Variants in PCDHA13 observed in about 807,000 individuals in gnomAD.
PCDHA13 encodes protocadherin alpha 13.
Under a neutral mutation model 64.8 loss-of-function variants are expected in PCDHA13, and 54 were observed. That is an observed-to-expected ratio of 0.83 (90% CI 0.67 to 1.04). The LOEUF is 1.04. Ranked by LOEUF, PCDHA13 falls within the 50% of genes least tolerant of loss-of-function variation. PCDHA13 has a pLI of 0.00. For synonymous variants in PCDHA13, 587 were observed against 564.4 expected (o/e 1.04, Z -0.57); for missense variants, 1,248 against 1,254.3 (o/e 0.99, Z 0.08).
intron 1 of PCDHA13, among the ~76,000 whole-genome samples, chr5:140,887,955 C>A (rs568878730): frequency 4.4e-4 from 67 of 152,206 alleles, no homozygotes; most frequent in African/African-American, 1.6e-3. Flanking sequence ...GTATAAGATT[C>A]TTTTTGTCTC....
In PCDHA13 at chr5:141,010,190, C is replaced by T. The variant is rs868983471; in HGVS notation, c.*253C>T. On this transcript the variant is annotated 3_prime_UTR_variant, in exon 4 of 4. Coordinates refer to ENST00000289272, the MANE Select transcript of PCDHA13 (RefSeq NM_018904.3). ...GAACCTAAAAAGCAGACCCAAGTTT[C>T]CTTTCTCCTCCGCCGCAAAGGAGAG... The T allele has an allele frequency of 6.4e-7, 1 of 1,552,504 alleles. No homozygotes were observed. Among genetic ancestry groups the T allele is most frequent in the Non-Finnish European group, 8.7e-7 (1 of 1,147,234 alleles).
intron 3 of PCDHA13, among the ~76,000 whole-genome samples, chr5:140,989,348 G>A (rs1455202093): frequency 6.6e-6 from 1 of 152,196 alleles, no homozygotes; most frequent in African/African-American, 2.4e-5. Context: ...GCTCAAAGGT[G>A]ATAGGTCACC....
chr5:140,980,487 G>C (rs2096891705), intron 2 of PCDHA13, among the ~76,000 whole-genome samples: 1 of 152,124 alleles, frequency 6.6e-6, no homozygotes, highest in African/African-American at 2.4e-5. Flanking sequence ...AAAATTAGCT[G>C]GGCGTGATGG....
intron 1 of PCDHA13, among the ~76,000 whole-genome samples, chr5:140,921,791 A>G (rs1170709759): frequency 3.9e-5 from 6 of 152,160 alleles, no homozygotes; most frequent in Non-Finnish European, 5.9e-5. Context: ...GATGTTCTAG[A>G]TAACACAAGA....
At chr5:140,910,719 C>T (rs527945930) in intron 1 of PCDHA13, among the ~76,000 whole-genome samples, 44 of 152,216 alleles carry the variant, frequency 2.9e-4, no homozygotes, top group African/African-American at 1.0e-3. Context: ...TCTTTTAATC[C>T]ATATTTCAGC....
chr5:140,905,771 G>A lies in PCDHA13; in HGVS notation c.2394+21109G>A, dbSNP rs112500166. ...TCACCTCCTTGGTTAAGTATATTCC[G>A]AAGTGTATTAGTCAGGGTTCTCTAG... is the stretch of plus-strand genomic sequence containing the variant. On this transcript the variant is annotated intron_variant, in intron 1 of 3. Coordinates refer to ENST00000289272, the MANE Select transcript of PCDHA13 (RefSeq NM_018904.3). Among the ~76,000 whole-genome samples the A allele has an allele frequency of 4.4e-3, 670 of 152,104 alleles. 7 individuals are homozygous for A. Among genetic ancestry groups the A allele is most frequent in the African/African-American group, 0.015 (623 of 41,484 alleles).
chr5:140,896,406 C>CT (rs35238776), intron 1 of PCDHA13, among the ~76,000 whole-genome samples: 1 of 152,100 alleles, frequency 6.6e-6, no homozygotes, highest in Non-Finnish European at 1.5e-5. Flanking sequence ...TTATTTTTGA[C>CT]TTTTTAGTAA....
At chr5:140,998,300 G>C (rs1287043977) in intron 3 of PCDHA13, among the ~76,000 whole-genome samples, 1 of 152,194 alleles carries the variant, frequency 6.6e-6, no homozygotes, top group Non-Finnish European at 1.5e-5. Context: ...CACACATTTA[G>C]TAAGGGCACC....
chr5:141,000,421 ATTTTTT>A (rs34755515), intron 3 of PCDHA13, among the ~76,000 whole-genome samples: 34 of 27,962 alleles, frequency 1.2e-3, no homozygotes, highest in East Asian at 9.9e-3. Context: ...ATATATATAT[ATTTTTT>A]TTTTTTTTTT....
rs1563652468 is a variant in PCDHA13 at position 141,000,419 on chromosome 5, A to AT, written c.2543-9207dup. The stretch of plus-strand genomic sequence containing the variant: ...TCTATATATATATATATATATATAT[A>AT]TATTTTTTTTTTTTTTTTTTTTTTT... On this transcript the variant is annotated intron_variant, in intron 3 of 3. Transcript: ENST00000289272. 4.4e-3 allele frequency among the ~76,000 whole-genome samples: 271 copies of AT among 60,978 alleles called. 1 individual carries two copies. The highest frequency in any genetic ancestry group is 5.9e-3 in the Non-Finnish European group (210 of 35,644). The allele number at this position is 60,978 out of a possible 152,430, so 40.0% of individuals were successfully genotyped here.
At chr5:140,898,054 A>G (rs1401215235) in intron 1 of PCDHA13, among the ~76,000 whole-genome samples, 2 of 151,638 alleles carry the variant, frequency 1.3e-5, no homozygotes, top group African/African-American at 4.8e-5. Flanking sequence ...TTTTCTTGTA[A>G]ATTTGTTTGA....
chr5:140,904,828 A>G (rs1196362639), intron 1 of PCDHA13, among the ~76,000 whole-genome samples: 7 of 151,794 alleles, frequency 4.6e-5, no homozygotes, highest in African/African-American at 1.7e-4. Flanking sequence ...GCATTTTTTT[A>G]TATGTTTCAT....
intron 1 of PCDHA13, among the ~76,000 whole-genome samples, chr5:140,938,453 G>A (rs558258483): frequency 6.6e-6 from 1 of 151,990 alleles, no homozygotes; most frequent in African/African-American, 2.4e-5. Context: ...AGTTCCCTTT[G>A]TTTTTTAATT....
intron 1 of PCDHA13, chr5:140,969,073 G>T (rs781937942): frequency 2.5e-6 from 4 of 1,614,092 alleles, no homozygotes; most frequent in South Asian, 2.2e-5. Flanking sequence ...CCAGGATACC[G>T]CATGGCCTCA....
intron 3 of PCDHA13, among the ~76,000 whole-genome samples, chr5:140,984,053 TC>T (rs2097083610): frequency 6.6e-6 from 1 of 152,154 alleles, no homozygotes; most frequent in Non-Finnish European, 1.5e-5. Flanking sequence ...CATTGACAAA[TC>T]TGTACCCTCA....
intron 1 of PCDHA13, among the ~76,000 whole-genome samples, chr5:140,977,127 C>T (rs1197401904): frequency 6.6e-6 from 1 of 152,168 alleles, no homozygotes; most frequent in East Asian, 1.9e-4. Flanking sequence ...AACTGAGTTT[C>T]CTGGTCAGTC....
Position 140,882,228 on chromosome 5 carries a change from T to C in PCDHA13, c.-41T>C. 8 of 1,564,682 alleles carry C rather than the reference T, an allele frequency of 5.1e-6. No homozygotes were observed. Among genetic ancestry groups the C allele is most frequent in the Non-Finnish European group, 6.9e-6 (8 of 1,155,068 alleles). ...TGAGAGACAGTTTGAGGTAAGGCGT[T>C]GTATATATTGCAGATAGCTCTGAGG... On this transcript the variant is annotated 5_prime_UTR_variant, in exon 1 of 4. Transcript: ENST00000289272.
chr5:140,886,328 C>T (rs1554182483), intron 1 of PCDHA13, among the ~76,000 whole-genome samples: 1 of 151,922 alleles, frequency 6.6e-6, no homozygotes, highest in African/African-American at 2.4e-5. Context: ...TTCTGGGATA[C>T]ATGTGCAGAA....
intron 1 of PCDHA13, among the ~76,000 whole-genome samples, chr5:140,948,369 TG>T (rs1209104577): frequency 7.9e-5 from 12 of 151,580 alleles, no homozygotes; most frequent in Non-Finnish European, 3.0e-5. Context: ...ACTTAGGAGG[TG>T]TTCCTTCCTC....
Sources: allele counts gnomAD v4.1 joint callset (sites outside exome capture counted in the v4.1 genomes callset), GRCh38; gene constraint gnomAD v4.1.1; transcripts MANE v1.5; gene names NCBI Gene and HGNC (gene_info 2026-07-23, HGNC 2026-07-21).